The following YAF2 variants were observed in gnomAD, a reference collection of about 807,000 sequenced individuals.
YAF2 encodes the protein YY1 associated factor 2.
Under a neutral mutation model 20.1 loss-of-function variants are expected in YAF2, and 7 were observed. The observed-to-expected ratio is 0.35, with a 90% CI of 0.20 to 0.65. The LOEUF (loss-of-function observed/expected upper bound fraction) is 0.65. Ranked by LOEUF, YAF2 falls within the 30% of genes least tolerant of loss-of-function variation. The pLI is 0.69. For missense variants in YAF2, 151 were observed against 219.2 expected (o/e 0.69, Z 1.96); for synonymous variants, 74 against 76.0 (o/e 0.97, Z 0.14).
chr12:42,222,491 C>T (rs1222503175), intron 2 of YAF2, among the ~76,000 whole-genome samples: 2 of 152,112 alleles, frequency 1.3e-5, no homozygotes, highest in Non-Finnish European at 2.9e-5. Context: ...TCCTCACCAG[C>T]CATATAGGGG....
chr12:42,238,063 T>G, intron 1 of YAF2, 92 bp downstream of exon 1: 4 of 1,095,840 alleles, frequency 3.7e-6, no homozygotes, highest in Non-Finnish European at 4.7e-6. Context: ...CTCGCCCCGG[T>G]GCCCGGGCGG....
chr12:42,165,061 CAAAAAAAAA>C (rs78729667), intron 2 of YAF2, among the ~76,000 whole-genome samples: 23 of 64,790 alleles, frequency 3.5e-4, no homozygotes, highest in Admixed American at 1.1e-3. Flanking sequence ...TCTTCTGGAA[CAAAAAAAAA>C]AAAAAAAAAG....
chr12:42,204,486 T>C (rs544857819), intron 2 of YAF2, among the ~76,000 whole-genome samples: 1 of 152,280 alleles, frequency 6.6e-6, no homozygotes, highest in East Asian at 1.9e-4. Context: ...TATTAGATAT[T>C]AAAAGTAATC....
chr12:42,232,714 CA>C, intron 2 of YAF2: 3 of 985,324 alleles, frequency 3.0e-6, no homozygotes, highest in Non-Finnish European at 3.6e-6. Context: ...AGACATAAAG[CA>C]AGTATGACAA....
intron 3 of YAF2, 38 bp from the exon 4 acceptor site, chr12:42,160,864 CCTCTACCAAATTTCTGAG>C (rs2065784227): frequency 6.5e-7 from 1 of 1,531,974 alleles, no homozygotes; most frequent in South Asian, 1.2e-5. Context: ...CTAGCTTTTC[CCTCTACCAAATTTCTGAG>C]CATATAATAA....
intron 2 of YAF2, among the ~76,000 whole-genome samples, chr12:42,176,695 C>T (rs2066202912): frequency 6.6e-6 from 1 of 152,148 alleles, no homozygotes; most frequent in African/African-American, 2.4e-5. Flanking sequence ...GGTATGGTGG[C>T]TCACATCTGT....
At chr12:42,215,003 T>C (rs1046162474) in intron 2 of YAF2, among the ~76,000 whole-genome samples, 2 of 152,014 alleles carry the variant, frequency 1.3e-5, no homozygotes, top group African/African-American at 4.8e-5. Context: ...GACTCCTCCA[T>C]CTTAAATTAA....
At position 42,238,215 on chromosome 12, in the gene YAF2, C is replaced by A. The variant is rs751437384; in HGVS notation, c.-35G>T. The A allele has an allele frequency of 1.3e-6, 2 of 1,489,862 alleles. No homozygotes were observed. Among genetic ancestry groups the A allele is most frequent in the African/African-American group, 1.5e-5 (1 of 67,978 alleles). The allele number at this position is 1,489,862 out of a possible 1,614,324, so 92.3% of individuals were successfully genotyped here. A position where few individuals can be genotyped will look rare whatever the true frequency, so the allele number is the denominator to read the frequency against. On this transcript the variant is annotated 5_prime_UTR_variant, in exon 1 of 4. Coordinates refer to ENST00000534854, the MANE Select transcript of YAF2 (RefSeq NM_005748.6). ...ATCACCGCACGCCGAGAGTCGCCGC[C>A]GCGACCGCTCTGTTTGTCAATAAGG...
chr12:42,199,206 A>G, intron 2 of YAF2: 1 of 1,289,256 alleles, frequency 7.8e-7, no homozygotes, highest in Non-Finnish European at 1.0e-6. Flanking sequence ...TGTTCCACCA[A>G]ATGGTAACCA....
chr12:42,212,553 A>G, intron 2 of YAF2: 1 of 323,562 alleles, frequency 3.1e-6, no homozygotes, highest in Non-Finnish European at 6.1e-6. Context: ...ACCACTGAAT[A>G]AATGAAAGAA....
chr12:42,191,678 A>C (rs2066616022), intron 2 of YAF2, among the ~76,000 whole-genome samples: 2 of 152,206 alleles, frequency 1.3e-5, no homozygotes, highest in Non-Finnish European at 1.5e-5. Context: ...TGTTAGGAAT[A>C]CAAGGGTAAC....
At chr12:42,218,375 G>A (rs11832197) in intron 2 of YAF2, among the ~76,000 whole-genome samples, 31,525 of 151,998 alleles carry the variant, frequency 0.21, 3,378 homozygotes, top group Admixed American at 0.25. Flanking sequence ...TTGTCTGCTC[G>A]TAAATGTTAT....
chr12:42,201,551 C>T (rs1055028356), intron 2 of YAF2, among the ~76,000 whole-genome samples: 1 of 152,134 alleles, frequency 6.6e-6, no homozygotes, highest in Admixed American at 6.6e-5. Flanking sequence ...AGGTATGTCG[C>T]ATATCTTTTA....
intron 2 of YAF2, among the ~76,000 whole-genome samples, chr12:42,176,366 C>G (rs116014629): frequency 0.023 from 3,496 of 152,150 alleles, 128 homozygotes; most frequent in African/African-American, 0.08. Context: ...AGTGATACTC[C>G]TGCCTCAGCC....
intron 2 of YAF2, chr12:42,234,332 T>C (rs1173181225): frequency 1.0e-6 from 1 of 985,346 alleles, no homozygotes; most frequent in Non-Finnish European, 1.2e-6. Flanking sequence ...CAGTTTGACA[T>C]TTACTACTGT....
chr12:42,161,859 TAACAA>T, intron 2 of YAF2, 94 bp from the exon 3 acceptor site: 7 of 1,140,366 alleles, frequency 6.1e-6, no homozygotes, highest in Non-Finnish European at 8.7e-6. Flanking sequence ...AACAAGTTAA[TAACAA>T]TAACTTTCAA....
chr12:42,194,439 T>A (rs1033170506), intron 2 of YAF2, among the ~76,000 whole-genome samples: 2 of 151,834 alleles, frequency 1.3e-5, no homozygotes, highest in African/African-American at 2.4e-5. Flanking sequence ...AGGTCAGGAG[T>A]TCGAGACCAG....
At chr12:42,172,410 C>T (rs1383738247) in intron 2 of YAF2, among the ~76,000 whole-genome samples, 2 of 152,190 alleles carry the variant, frequency 1.3e-5, no homozygotes, top group African/African-American at 4.8e-5. Flanking sequence ...TGGGCTAGAG[C>T]CTTCTTAAAT....
chr12:42,227,560 G>A (rs2067764726), intron 2 of YAF2, among the ~76,000 whole-genome samples: 1 of 149,068 alleles, frequency 6.7e-6, no homozygotes, highest in Non-Finnish European at 1.5e-5. Context: ...GAGCGTCTCT[G>A]CCCGGCCGCC....
Sources: allele counts gnomAD v4.1 joint callset (sites outside exome capture counted in the v4.1 genomes callset), GRCh38; gene constraint gnomAD v4.1.1; transcripts MANE v1.5; gene names NCBI Gene and HGNC (gene_info 2026-07-23, HGNC 2026-07-21).